Variants in EDA observed in about 807,000 individuals in gnomAD.
EDA encodes the protein ectodysplasin A.
Under a neutral mutation model 23.6 loss-of-function variants are expected in EDA, and 2 were observed. The ratio of observed to expected loss-of-function variants is 0.08; its 90% CI spans 0.03 to 0.27. The LOEUF (loss-of-function observed/expected upper bound fraction) is 0.27. Among genes scored for constraint, EDA ranks in the 10% least tolerant of loss-of-function variants. The pLI is 1.00. For missense variants in EDA, 229 were observed against 324.2 expected, an observed-to-expected ratio of 0.71 and a Z score of 2.26; for synonymous variants, 131 against 132.0, an observed-to-expected ratio of 0.99 and a Z score of 0.05.
At chrX:69,700,409 TG>T (rs1402205742) in intron 1 of EDA, among the ~76,000 whole-genome samples, 1 of 110,459 alleles carries the variant, frequency 9.1e-6, no homozygotes, top group African/African-American at 3.3e-5. Context: ...AACAGAAAAA[TG>T]GGTGGTATTG....
intron 1 of EDA, among the ~76,000 whole-genome samples, chrX:69,814,747 C>T (rs772795414): frequency 4.5e-5 from 5 of 111,809 alleles, no homozygotes; most frequent in African/African-American, 1.6e-4. Context: ...AGCACAGAAC[C>T]AAAGGAACCC....
intron 2 of EDA, among the ~76,000 whole-genome samples, chrX:69,987,313 A>AAAAAAT (rs1569394643): frequency 6.5e-5 from 7 of 107,362 alleles, no homozygotes; most frequent in African/African-American, 2.4e-4. Context: ...TTTTTTTTTA[A>AAAAAAT]AAATAAATAA....
At chrX:69,835,285 C>T (rs1229698254) in intron 1 of EDA, among the ~76,000 whole-genome samples, 2 of 111,918 alleles carry the variant, frequency 1.8e-5, no homozygotes, top group East Asian at 5.6e-4. Flanking sequence ...GGAAGTTCTC[C>T]TGGATAATAT....
intron 1 of EDA, among the ~76,000 whole-genome samples, chrX:69,845,842 T>C (rs1194187633): frequency 9.0e-6 from 1 of 111,263 alleles, no homozygotes. Flanking sequence ...CTCCTACCAA[T>C]AGCCAGCAAA....
chrX:69,837,506 GTT>G (rs962213131), intron 1 of EDA, among the ~76,000 whole-genome samples: 2 of 112,302 alleles, frequency 1.8e-5, no homozygotes, highest in African/African-American at 6.5e-5. Context: ...AGTTGTAACA[GTT>G]TTCTATAATT....
At chrX:69,817,413 A>G in intron 1 of EDA, among the ~76,000 whole-genome samples, 2 of 112,032 alleles carry the variant, frequency 1.8e-5, no homozygotes. Context: ...CAATTAAAAG[A>G]CACAGAAAGG....
chrX:69,722,424 T>G (rs2012621467), intron 1 of EDA, among the ~76,000 whole-genome samples: 1 of 110,557 alleles, frequency 9.0e-6, no homozygotes, highest in Non-Finnish European at 1.9e-5. Context: ...GCCAGGATGG[T>G]CTCGATCTCC....
At chrX:69,627,745 C>G (rs1055917742) in intron 1 of EDA, among the ~76,000 whole-genome samples, 2 of 112,032 alleles carry the variant, frequency 1.8e-5, no homozygotes, top group Non-Finnish European at 3.8e-5. Flanking sequence ...ACCACTAGAC[C>G]TGAGCTTGGG....
intron 1 of EDA, among the ~76,000 whole-genome samples, chrX:69,828,349 G>A (rs1218613234): frequency 1.8e-5 from 2 of 112,230 alleles, no homozygotes; most frequent in Non-Finnish European, 3.8e-5. Context: ...AGCAATCAGC[G>A]AGACTCCGTG....
Position 70,039,117 on chromosome X carries a change from C to T in EDA, c.*3508C>T, listed in dbSNP as rs1194881448. 1 of 112,850 alleles carries T rather than the reference C, an allele frequency of 8.9e-6. No homozygotes were observed. Among genetic ancestry groups the T allele is most frequent in the Non-Finnish European group, 1.9e-5 (1 of 53,319 alleles). 9.3% of individuals were successfully genotyped at this position (112,850 alleles called of 1,213,427 possible). A position where few individuals can be genotyped will look rare whatever the true frequency, so the allele number is the denominator to read the frequency against. On this transcript the variant is annotated 3_prime_UTR_variant, in exon 8 of 8. Transcript: ENST00000374552. ...GGAAAGCACAAGACTGGCCCAGTGC[C>T]AGCAAGTCCTTAGGCTACTGTAATG...
chrX:69,790,263 G>A lies in EDA; in HGVS notation c.397-166764G>A, dbSNP rs758990080. Among the ~76,000 whole-genome samples, 174 of 109,859 alleles carry A rather than the reference G, an allele frequency of 1.6e-3. 1 individual carries two copies. The highest frequency in any genetic ancestry group is 2.4e-3 in the Non-Finnish European group (129 of 52,712). ...AAGTTTTAGGGTACATGTGCACAAC[G>A]TGCAGGTTTGTTACATATGTAGACA... On this transcript the variant is annotated intron_variant, in intron 1 of 7. Transcript: ENST00000374552.
At chrX:69,973,735 C>T (rs1356574428) in intron 2 of EDA, among the ~76,000 whole-genome samples, 2 of 111,419 alleles carry the variant, frequency 1.8e-5, no homozygotes, top group African/African-American at 3.3e-5. Context: ...GGATAAACTA[C>T]GATATATTCA....
intron 1 of EDA, among the ~76,000 whole-genome samples, chrX:69,783,779 T>C (rs778624827): frequency 3.6e-5 from 4 of 109,926 alleles, no homozygotes; most frequent in African/African-American, 1.3e-4. Flanking sequence ...TATAGCAGCA[T>C]GATTTATAGT....
chrX:69,758,903 A>G (rs1460485891), intron 1 of EDA, among the ~76,000 whole-genome samples: 1 of 111,935 alleles, frequency 8.9e-6, no homozygotes, highest in African/African-American at 3.2e-5. Flanking sequence ...TTTTTTTTCC[A>G]TTTGGATACT....
chrX:69,988,720 G>A (rs765990586), intron 2 of EDA, among the ~76,000 whole-genome samples: 218 of 110,260 alleles, frequency 2.0e-3, no homozygotes, highest in Non-Finnish European at 3.4e-3. Context: ...GCCGGGCGTG[G>A]TGGCAGGCAC....
chrX:69,679,668 C>A (rs1416286207), intron 1 of EDA, among the ~76,000 whole-genome samples: 2 of 111,239 alleles, frequency 1.8e-5, no homozygotes, highest in African/African-American at 6.5e-5. Flanking sequence ...GTGGTGATAT[C>A]CTCTTTATCA....
intron 2 of EDA, among the ~76,000 whole-genome samples, chrX:69,970,587 C>T (rs2019234212): frequency 9.0e-6 from 1 of 111,152 alleles, no homozygotes; most frequent in African/African-American, 3.3e-5. Context: ...GCTAAAACAC[C>T]TAGAAAAACA....
At chrX:69,827,954 T>C (rs1254695806) in intron 1 of EDA, among the ~76,000 whole-genome samples, 3 of 110,930 alleles carry the variant, frequency 2.7e-5, no homozygotes, top group Non-Finnish European at 3.8e-5. Context: ...TTGGAGTTCC[T>C]GGCCGTGTGA....
intron 1 of EDA, among the ~76,000 whole-genome samples, chrX:69,681,193 T>C (rs908464976): frequency 5.4e-5 from 6 of 111,740 alleles, no homozygotes; most frequent in Non-Finnish European, 7.5e-5. Context: ...AGAGATCTGC[T>C]GTTAGTCTGA....
Sources: allele counts gnomAD v4.1 joint callset (sites outside exome capture counted in the v4.1 genomes callset), GRCh38; gene constraint gnomAD v4.1.1; transcripts MANE v1.5; gene names NCBI Gene and HGNC (gene_info 2026-07-23, HGNC 2026-07-21).